The following XKR9 variants were observed in gnomAD, a reference collection of about 807,000 sequenced individuals.
The protein encoded by XKR9 is XK-related protein 9.
In XKR9, 32 loss-of-function variants were observed where a neutral mutation model predicts 32.0. The ratio of observed to expected loss-of-function variants is 1.00; its 90% CI spans 0.76 to 1.34. The LOEUF (loss-of-function observed/expected upper bound fraction) is 1.34, where lower values mean the gene tolerates loss of function less well. Ranked by LOEUF, XKR9 falls within the 40% of genes most tolerant of loss-of-function variation. The pLI, the probability that XKR9 is intolerant of heterozygous loss-of-function variation, is 0.00. For missense variants in XKR9, 546 were observed against 429.7 expected (o/e 1.27, Z -2.39); for synonymous variants, 168 against 143.4 (o/e 1.17, Z -1.22).
chr8:70,936,518 G>A, the XKR9 span, among the ~76,000 whole-genome samples: 3 of 152,046 alleles, frequency 2.0e-5, no homozygotes, highest in Admixed American at 2.0e-4. Context: ...TAAATCTTGT[G>A]AATTTACCGG....
chr8:70,777,077 A>C (rs954440898), intron 2 of XKR9, among the ~76,000 whole-genome samples: 1 of 151,432 alleles, frequency 6.6e-6, no homozygotes, highest in African/African-American at 2.4e-5. Flanking sequence ...TATTTACATT[A>C]GGTGTTTCTC....
At chr8:71,055,753 A>T in the XKR9 span, among the ~76,000 whole-genome samples, 7 of 152,226 alleles carry the variant, frequency 4.6e-5, no homozygotes, top group Non-Finnish European at 1.0e-4. Flanking sequence ...TTAACTGAAA[A>T]TTAAAGTTTG....
chr8:70,713,856 G>A (rs1434544898), intron 4 of XKR9, among the ~76,000 whole-genome samples: 5 of 152,068 alleles, frequency 3.3e-5, no homozygotes, highest in African/African-American at 4.8e-5. Flanking sequence ...AAAAAATTAG[G>A]TATTGTATGT....
rs1368759980 is a variant in XKR9 at position 70,669,653 on chromosome 8, G to C, written c.-361+115G>C. 110 of 113,760 alleles carry C rather than the reference G, an allele frequency of 9.7e-4. 1 individual carries two copies. The highest frequency in any genetic ancestry group is 1.9e-3 in the Non-Finnish European group (95 of 50,452). The allele number at this position is 113,760 out of a possible 1,614,324, so 7.0% of individuals were successfully genotyped here. On this transcript the variant is annotated intron_variant, in intron 1 of 4. Transcript: ENST00000408926. ...GTGTGTGTGTGTAGTAGTAGTAGTA[G>C]TAGCCTGTTCATTTTTTTTTTTTTT... is the stretch of plus-strand genomic sequence containing the variant.
At chr8:70,936,030 T>A in the XKR9 span, among the ~76,000 whole-genome samples, 2 of 152,040 alleles carry the variant, frequency 1.3e-5, no homozygotes, top group African/African-American at 2.4e-5. Context: ...GAATAAGTTA[T>A]GGGGTCTTGG....
rs1013721147 is a variant in XKR9, at chr8:70,735,001, G to C, written c.*577G>C. On this transcript the variant is annotated 3_prime_UTR_variant, in exon 5 of 5. Transcript: ENST00000408926. ...CATTTCATTATTTACTTATTTCCTA[G>C]CTTTTCTGAATTAATGCACTCTTAA... The C allele has an allele frequency of 1.1e-4, 17 of 152,042 alleles. No homozygotes were observed. Among genetic ancestry groups the C allele is most frequent in the African/African-American group, 3.9e-4 (16 of 41,360 alleles). 9.4% of individuals were successfully genotyped at this position (152,042 alleles called of 1,614,324 possible). A position where few individuals can be genotyped will look rare whatever the true frequency, so the allele number is the denominator to read the frequency against.
At chr8:70,855,740 A>G in the XKR9 span, among the ~76,000 whole-genome samples, 1 of 152,252 alleles carries the variant, frequency 6.6e-6, no homozygotes, top group Non-Finnish European at 1.5e-5. Context: ...AGGTTGGGTT[A>G]CCCACAAAGG....
chr8:70,813,469 C>T, the XKR9 span, among the ~76,000 whole-genome samples: 1 of 152,108 alleles, frequency 6.6e-6, no homozygotes, highest in African/African-American at 2.4e-5. Context: ...AGAGCTTCTG[C>T]ACAGCAAAAG....
At chr8:70,961,938 A>T in the XKR9 span, among the ~76,000 whole-genome samples, 6 of 152,294 alleles carry the variant, frequency 3.9e-5, no homozygotes, top group African/African-American at 1.4e-4. Flanking sequence ...AACAAATTGG[A>T]TTCTGCTTTG....
chr8:70,766,600 C>A (rs1054924232), intron 2 of XKR9, among the ~76,000 whole-genome samples: 2 of 152,164 alleles, frequency 1.3e-5, no homozygotes, highest in African/African-American at 4.8e-5. Context: ...CTTTCTCTTG[C>A]CTGATTGCCC....
chr8:70,717,168 T>C (rs534315352), intron 4 of XKR9, among the ~76,000 whole-genome samples: 1 of 152,146 alleles, frequency 6.6e-6, no homozygotes, highest in South Asian at 2.1e-4. Flanking sequence ...TGGCATTGAG[T>C]GTCTGTGGTT....
the XKR9 span, among the ~76,000 whole-genome samples, chr8:70,905,778 G>C: frequency 6.6e-6 from 1 of 152,134 alleles, no homozygotes; most frequent in East Asian, 1.9e-4. Flanking sequence ...TTTGGTCTTT[G>C]ACGATGGTGA....
the XKR9 span, among the ~76,000 whole-genome samples, chr8:70,812,220 G>A: frequency 6.6e-6 from 1 of 152,222 alleles, no homozygotes; most frequent in African/African-American, 2.4e-5. Context: ...ATGCAGAAAA[G>A]GCCTTTGACA....
At chr8:70,732,917 A>T (rs944629479) in intron 4 of XKR9, among the ~76,000 whole-genome samples, 3 of 152,176 alleles carry the variant, frequency 2.0e-5, no homozygotes, top group African/African-American at 7.2e-5. Context: ...CAGGAGTTTG[A>T]GACCAGCCTC....
At chr8:70,804,973 T>C in the XKR9 span, among the ~76,000 whole-genome samples, 1 of 152,214 alleles carries the variant, frequency 6.6e-6, no homozygotes, top group African/African-American at 2.4e-5. Flanking sequence ...TTTAAGATAC[T>C]GGCCAATGGG....
At chr8:70,727,539 T>C (rs533433457) in intron 4 of XKR9, among the ~76,000 whole-genome samples, 124 of 152,248 alleles carry the variant, frequency 8.1e-4, no homozygotes, top group African/African-American at 3.0e-3. Context: ...TGGCTGGGAC[T>C]ACAGGCACAC....
At chr8:70,859,663 A>G in the XKR9 span, among the ~76,000 whole-genome samples, 1 of 152,164 alleles carries the variant, frequency 6.6e-6, no homozygotes. Context: ...GTCATAACAA[A>G]GAGTGGAATC....
the XKR9 span, among the ~76,000 whole-genome samples, chr8:70,845,348 A>T: frequency 6.6e-6 from 1 of 152,262 alleles, no homozygotes; most frequent in African/African-American, 2.4e-5. Flanking sequence ...CAAGATGTGC[A>T]GGTATCAGTG....
chr8:70,778,492 G>C (rs36147116), intron 2 of XKR9, among the ~76,000 whole-genome samples: 61,327 of 152,050 alleles, frequency 0.4, 13,906 homozygotes, highest in Non-Finnish European at 0.52. Context: ...AAGAAAGTCA[G>C]TGGTAGCTTG....
Sources: gnomAD v4.1 joint callset for allele counts (sites outside exome capture counted in the v4.1 genomes callset) on GRCh38, gnomAD v4.1.1 for gene constraint, MANE v1.5 for transcripts, NCBI Gene and HGNC (gene_info 2026-07-23, HGNC 2026-07-21) for gene names.